The following PKHD1L1 variants were observed in gnomAD, a reference collection of about 807,000 sequenced individuals.
PKHD1L1 encodes the protein PKHD1 like 1, also known as fibrocystin-L.
PKHD1L1 carries 434 observed loss-of-function variants against 462.9 expected under a neutral mutation model. The ratio of observed to expected loss-of-function variants is 0.94; its 90% CI spans 0.87 to 1.02. The LOEUF is 1.02. PKHD1L1 is among the 50% of genes least tolerant of loss of function. The probability of loss-of-function intolerance (pLI) is 0.00; values close to 1 mark genes in which losing one functional copy is unlikely to be tolerated. For missense variants in PKHD1L1, 5,202 were observed against 5,096.1 expected (o/e 1.02, Z -0.63); for synonymous variants, 1,781 against 1,750.0 (o/e 1.02, Z -0.44).
chr8:109,500,756 C>T (rs983354365), intron 67 of PKHD1L1, among the ~76,000 whole-genome samples: 1 of 147,664 alleles, frequency 6.8e-6, no homozygotes, highest in African/African-American at 2.5e-5. Context: ...CATTTTACAA[C>T]TAACAGTGGG....
chr8:109,459,647 G>A lies in PKHD1L1; in HGVS notation c.7057G>A (p.Gly2353Ser). 6.2e-7 allele frequency: 1 copy of A among 1,601,724 alleles called. No homozygotes were observed. The change falls in exon 47 of 78, where the codon GGC (glycine) becomes AGC (serine). Residue 2353 changes from glycine (G) to serine (S), a missense_variant. By Grantham distance (56) the Gly-to-Ser change is moderately conservative. This residue lies in a region of PKHD1L1 where 4,497 missense variants were observed against 4,336.8 expected (regional missense o/e 1.04). Coordinates refer to ENST00000378402, the MANE Select transcript of PKHD1L1 (RefSeq NM_177531.6). The stretch of plus-strand genomic sequence containing the variant: ...GACCATTGCATCTGTGTCTGCTGAT[G>A]GCATAAACATAACACTAAGTAACCC... ...KMTIASVSAD[G>S]INITLSNPLN...
chr8:109,370,824 C>T (rs1428434412), intron 2 of PKHD1L1, among the ~76,000 whole-genome samples: 1 of 152,186 alleles, frequency 6.6e-6, no homozygotes, highest in African/African-American at 2.4e-5. Flanking sequence ...CATGTCCCCA[C>T]AAAGGACATG....
intron 20 of PKHD1L1, among the ~76,000 whole-genome samples, 196 bp downstream of exon 20, chr8:109,412,610 A>G (rs1813915842): frequency 6.6e-6 from 1 of 152,050 alleles, no homozygotes; most frequent in Non-Finnish European, 1.5e-5. Flanking sequence ...TATTCTATAT[A>G]TATATGTATA....
intron 4 of PKHD1L1, among the ~76,000 whole-genome samples, 162 bp downstream of exon 4, chr8:109,382,733 T>A (rs1812190784): frequency 6.6e-6 from 1 of 152,070 alleles, no homozygotes; most frequent in African/African-American, 2.4e-5. Context: ...TCTTCCATAG[T>A]AATTTAATGT....
intron 63 of PKHD1L1, among the ~76,000 whole-genome samples, chr8:109,495,973 G>C (rs571745943): frequency 6.6e-6 from 1 of 152,172 alleles, no homozygotes; most frequent in Non-Finnish European, 1.5e-5. Context: ...TTTATTGAGA[G>C]TATTTGCTAG....
chr8:109,481,390 C>A, intron 55 of PKHD1L1, 43 bp from the exon 56 acceptor site: 1 of 1,495,784 alleles, frequency 6.7e-7, no homozygotes. Context: ...ATTTTTTTTC[C>A]TGGTCAATTT....
chr8:109,376,605 G>A (rs1008128577), intron 2 of PKHD1L1, among the ~76,000 whole-genome samples: 1 of 152,152 alleles, frequency 6.6e-6, no homozygotes, highest in African/African-American at 2.4e-5. Context: ...GCTGGGAGCT[G>A]TAGACTGGAG....
intron 49 of PKHD1L1, among the ~76,000 whole-genome samples, chr8:109,466,337 T>C (rs137994460): frequency 6.6e-6 from 1 of 152,160 alleles, no homozygotes; most frequent in Non-Finnish European, 1.5e-5. Flanking sequence ...CAAGTTTGAC[T>C]CTTATGGGTG....
rs1265296252 is a variant in PKHD1L1, at chr8:109,487,936, GGAAGGAAA to G, written c.9880+1123_9880+1130del. On this transcript the variant is annotated intron_variant, in intron 59 of 77. Coordinates refer to ENST00000378402, the MANE Select transcript of PKHD1L1 (RefSeq NM_177531.6). ...AGGAAGGAAGGAAGGAAGGAAGGAA[GGAAGGAAA>G]GAAGGAAGGAAGGAAGGAAGGGAGA... Among the ~76,000 whole-genome samples, 343 of 150,462 alleles carry G rather than the reference GGAAGGAAA, an allele frequency of 2.3e-3. 2 individuals carry two copies. Among genetic ancestry groups the G allele is most frequent in the Middle Eastern group, 0.01 (3 of 290 alleles).
intron 21 of PKHD1L1, among the ~76,000 whole-genome samples, chr8:109,413,850 T>C (rs1468324025): frequency 1.3e-5 from 2 of 152,142 alleles, no homozygotes; most frequent in African/African-American, 4.8e-5. Context: ...TTACTAAATC[T>C]AATAATGTTC....
At chr8:109,439,219 T>C in intron 32 of PKHD1L1, 127 bp downstream of exon 32, 3 of 824,278 alleles carry the variant, frequency 3.6e-6, no homozygotes, top group Non-Finnish European at 3.8e-6. Flanking sequence ...ATATCTTCTT[T>C]GGCAAAAGAT....
intron 56 of PKHD1L1, among the ~76,000 whole-genome samples, chr8:109,482,184 G>A (rs1300675680): frequency 1.3e-5 from 2 of 151,722 alleles, no homozygotes; most frequent in African/African-American, 2.4e-5. Context: ...TTTAGGAGAC[G>A]CATATAAGTA....
rs1229505355 is a variant in PKHD1L1, at chr8:109,438,412, C to G, written c.3716C>G (p.Thr1239Arg). Residue 1239 changes from threonine to arginine, a missense_variant, in exon 31 of 78, where the codon ACA becomes AGA. Physicochemically the swap from Thr to Arg is moderately conservative, Grantham distance 71. Transcript: ENST00000378402. ...RDAFSYNCLQ[T>R]PIITDFSPKV... is the part of the protein sequence containing the mutation. ...GCTTTTAGTTATAATTGTTTACAGA[C>G]ACCAATTATAACTGATTTTAGTCCA... The G allele has an allele frequency of 6.5e-7, 1 of 1,538,582 alleles. No homozygotes were observed. Among genetic ancestry groups the G allele is most frequent in the South Asian group, 1.2e-5 (1 of 81,992 alleles).
At chr8:109,459,158 C>G (rs1586559160) in intron 46 of PKHD1L1, among the ~76,000 whole-genome samples, 1 of 152,000 alleles carries the variant, frequency 6.6e-6, no homozygotes, top group Admixed American at 6.6e-5. Flanking sequence ...TCCTGTGTAT[C>G]ATGGGATGCT....
chr8:109,417,242 T>C (rs908579967), intron 21 of PKHD1L1, among the ~76,000 whole-genome samples: 1 of 152,136 alleles, frequency 6.6e-6, no homozygotes, highest in East Asian at 1.9e-4. Flanking sequence ...CTTGAGGGGA[T>C]GGATACCCCA....
intron 59 of PKHD1L1, among the ~76,000 whole-genome samples, chr8:109,488,700 A>T (rs563150594): frequency 2.8e-4 from 42 of 152,020 alleles, no homozygotes; most frequent in Admixed American, 1.4e-3. Flanking sequence ...TATAGCCTCT[A>T]CTTGTTGGTC....
Position 109,439,078 on chromosome 8 carries a change from T to G in PKHD1L1, c.3942T>G (p.Gly1314=). 1.2e-6 allele frequency: 2 copies of G among 1,612,574 alleles called. No individual in the cohort carries two copies. Among genetic ancestry groups the G allele is most frequent in the South Asian group, 2.2e-5 (2 of 90,792 alleles). ...HDIYVEVRNW[G]FASTRDKLNS... is the part of the protein sequence containing the mutation. ...TCTATGTAGAAGTCAGAAACTGGGGTTTTGCATCAACAAGGTATGATAATG... is the reference window on the plus strand; with the variant it reads ...TCTATGTAGAAGTCAGAAACTGGGGGTTTGCATCAACAAGGTATGATAATG... The change falls in exon 32 of 78, where the codon GGT becomes GGG. Residue 1314 remains glycine (G), a synonymous_variant. Transcript: ENST00000378402.
chr8:109,456,319 G>T lies in PKHD1L1; in HGVS notation c.6932G>T (p.Arg2311Ile), dbSNP rs1055411664. 2.9e-5 allele frequency: 47 copies of T among 1,612,150 alleles called. No homozygotes were observed. The highest frequency in any genetic ancestry group is 3.3e-5 in the Non-Finnish European group (39 of 1,179,072). ...RLAHTAKAGERILILQEAVTW... is the reference protein window; with the variant it reads ...RLAHTAKAGEIILILQEAVTW... ...GCTCATACTGCAAAGGCAGGGGAAA[G>T]AATTTTAATTTTACAAGAAGCAGTA... is the stretch of plus-strand genomic sequence containing the variant. Residue 2311 changes from arginine (R) to isoleucine (I), a missense_variant, in exon 46 of 78, where the codon AGA becomes ATA. This residue lies in a region of PKHD1L1 where 4,497 missense variants were observed against 4,336.8 expected (regional missense o/e 1.04). Coordinates refer to ENST00000378402, the MANE Select transcript of PKHD1L1 (RefSeq NM_177531.6).
intron 71 of PKHD1L1, among the ~76,000 whole-genome samples, chr8:109,511,631 T>C (rs1267488667): frequency 6.6e-6 from 1 of 152,048 alleles, no homozygotes; most frequent in Non-Finnish European, 1.5e-5. Flanking sequence ...TCTTTGCTAT[T>C]GTGAATAGTG....
Sources: allele counts gnomAD v4.1 joint callset (sites outside exome capture counted in the v4.1 genomes callset), GRCh38; gene constraint gnomAD v4.1.1; regional missense constraint gnomAD v4.1.1; transcripts MANE v1.5; gene names NCBI Gene and HGNC (gene_info 2026-07-23, HGNC 2026-07-21).